Variants in RPIA observed in about 807,000 individuals in gnomAD.
RPIA encodes ribose-5-phosphate isomerase.
RPIA carries 29 observed loss-of-function variants against 37.8 expected under a neutral mutation model. That is an observed-to-expected ratio of 0.77 (90% CI 0.57 to 1.05). The LOEUF is 1.05. RPIA is among the 50% of genes least tolerant of loss of function. The pLI is 0.00. For missense variants in RPIA, 385 were observed against 413.6 expected (o/e 0.93, Z 0.60); for synonymous variants, 167 against 157.0 (o/e 1.06, Z -0.48).
intron 3 of RPIA, among the ~76,000 whole-genome samples, chr2:88,724,599 G>C (rs1673174825): frequency 6.6e-6 from 1 of 152,152 alleles, no homozygotes; most frequent in Admixed American, 6.5e-5. Flanking sequence ...GTGAACCACT[G>C]TGCCTGGCAG....
At position 88,698,998 on chromosome 2, in the gene RPIA, G is replaced by A. The variant is rs556967027; in HGVS notation, c.346+454G>A. ...GTGCTCATTTCACACTGATTAGGGT[G>A]TCTCTATGCTTAGGAAAGACTCAGG... On this transcript the variant is annotated intron_variant, in intron 2 of 8. Transcript: ENST00000283646. Among the ~76,000 whole-genome samples, 5 of 152,324 alleles carry A rather than the reference G, an allele frequency of 3.3e-5. No homozygotes were observed. The South Asian group carries it at 1.0e-3, about 32-fold the overall frequency.
chr2:88,693,868 G>A (rs1676978233), intron 1 of RPIA, among the ~76,000 whole-genome samples: 1 of 152,220 alleles, frequency 6.6e-6, no homozygotes, highest in African/African-American at 2.4e-5. Flanking sequence ...CTTGGGCCCA[G>A]CTCTGTCTGT....
intron 3 of RPIA, among the ~76,000 whole-genome samples, chr2:88,725,770 G>C (rs1360743725): frequency 6.6e-6 from 1 of 152,206 alleles, no homozygotes; most frequent in Non-Finnish European, 1.5e-5. Context: ...CATTCAGGAA[G>C]GATGAGGCTC....
rs1359038847 is a variant in RPIA, at chr2:88,691,776, C to A, written c.78C>A (p.Ala26=). 6.3e-7 allele frequency: 1 copy of A among 1,592,570 alleles called. No individual in the cohort carries two copies. The highest frequency in any genetic ancestry group is 8.5e-7 in the Non-Finnish European group (1 of 1,173,336). The change falls in exon 1 of 9, where the codon GCC becomes GCA. Residue 26 remains alanine (A), a synonymous_variant. Transcript: ENST00000283646. ...TGCCCGGGAGGGCCGGGGGCGCGGC[C>A]TCCGGCGGAGGAGGGAACAGCTGGG... ...APLPGRAGGA[A]SGGGGNSWDL... is the part of the protein sequence containing the mutation.
chr2:88,715,423 A>G (rs1031039810), intron 3 of RPIA, among the ~76,000 whole-genome samples: 6 of 152,226 alleles, frequency 3.9e-5, no homozygotes, highest in Non-Finnish European at 7.3e-5. Flanking sequence ...GATCCCATCT[A>G]TAAGAACAAT....
intron 3 of RPIA, among the ~76,000 whole-genome samples, chr2:88,718,531 G>GAA (rs1673064478): frequency 1.3e-5 from 2 of 152,218 alleles, no homozygotes; most frequent in South Asian, 4.2e-4. Flanking sequence ...AGGCCTGTCA[G>GAA]AAAGTGACAT....
intron 2 of RPIA, among the ~76,000 whole-genome samples, chr2:88,698,783 C>T (rs964636205): frequency 6.6e-6 from 1 of 152,198 alleles, no homozygotes; most frequent in Non-Finnish European, 1.5e-5. Flanking sequence ...CTCTGCTCAG[C>T]TGGAGGGGAG....
chr2:88,694,065 G>A (rs1326224178), intron 1 of RPIA, among the ~76,000 whole-genome samples: 1 of 152,234 alleles, frequency 6.6e-6, no homozygotes, highest in Non-Finnish European at 1.5e-5. Flanking sequence ...TACTCCATTC[G>A]ACAAGCTGAG....
intron 3 of RPIA, among the ~76,000 whole-genome samples, chr2:88,703,986 G>T (rs1264569964): frequency 6.6e-6 from 1 of 152,136 alleles, no homozygotes; most frequent in Non-Finnish European, 1.5e-5. Context: ...TGGGGCAGGG[G>T]CAAAATGCTG....
rs142937771 is a variant in RPIA at position 88,737,886 on chromosome 2, A to T, written c.739-91A>T. On this transcript the variant is annotated intron_variant, in intron 7 of 8. Coordinates refer to ENST00000283646, the MANE Select transcript of RPIA (RefSeq NM_144563.3). The stretch of plus-strand genomic sequence containing the variant: ...ATAAGGTGGGAGCAGGTTAAAATGC[A>T]TACTTGTCTTTGGTTATCCCCTCTA... 52 of 934,874 alleles carry T rather than the reference A, an allele frequency of 5.6e-5. No individual in the cohort carries two copies. The East Asian group carries it at 1.3e-3, about 23-fold the overall frequency. 57.9% of individuals were successfully genotyped at this position (934,874 alleles called of 1,614,324 possible). A position where few individuals can be genotyped will look rare whatever the true frequency, so the allele number is the denominator to read the frequency against.
chr2:88,713,942 A>T (rs1302716479), intron 3 of RPIA, among the ~76,000 whole-genome samples: 1 of 146,040 alleles, frequency 6.8e-6, no homozygotes, highest in African/African-American at 2.5e-5. Context: ...TTCACTGAGG[A>T]TGTTAATGAT....
At chr2:88,718,944 C>T (rs982022034) in intron 3 of RPIA, among the ~76,000 whole-genome samples, 4 of 152,116 alleles carry the variant, frequency 2.6e-5, no homozygotes, top group African/African-American at 4.8e-5. Flanking sequence ...TTAAGCAAAA[C>T]GTTAAAAAGA....
chr2:88,703,291 T>TGTGCAGG (rs1491496467), intron 3 of RPIA, among the ~76,000 whole-genome samples: 1 of 152,232 alleles, frequency 6.6e-6, no homozygotes, highest in Non-Finnish European at 1.5e-5. Flanking sequence ...GTAGAGACTC[T>TGTGCAGG]GTGCAGGGGC....
intron 3 of RPIA, among the ~76,000 whole-genome samples, chr2:88,724,471 T>C (rs1673173096): frequency 6.6e-6 from 1 of 152,032 alleles, no homozygotes; most frequent in African/African-American, 2.4e-5. Context: ...CACACCTGGC[T>C]AATTTTTTTG....
intron 1 of RPIA, among the ~76,000 whole-genome samples, chr2:88,696,419 C>T (rs1672746551): frequency 6.6e-6 from 1 of 151,802 alleles, no homozygotes; most frequent in Admixed American, 6.6e-5. Flanking sequence ...GTGGCATGTT[C>T]CCATAGTACT....
At chr2:88,720,061 T>C (rs1673100279) in intron 3 of RPIA, among the ~76,000 whole-genome samples, 1 of 152,212 alleles carries the variant, frequency 6.6e-6, no homozygotes, top group African/African-American at 2.4e-5. Flanking sequence ...CAGTTTATTT[T>C]GATTGGCATC....
At chr2:88,747,751 C>T (rs190085305) in intron 8 of RPIA, among the ~76,000 whole-genome samples, 75 of 152,266 alleles carry the variant, frequency 4.9e-4, no homozygotes, top group African/African-American at 1.6e-3. Flanking sequence ...TCAGGTTCCC[C>T]GGTGGGGATG....
intron 3 of RPIA, among the ~76,000 whole-genome samples, chr2:88,703,993 G>T (rs940157580): frequency 1.3e-5 from 2 of 152,170 alleles, no homozygotes; most frequent in African/African-American, 2.4e-5. Context: ...GGGGCAAAAT[G>T]CTGCCAGTCT....
At chr2:88,692,045 G>A in intron 1 of RPIA, 62 bp downstream of exon 1, 2 of 1,518,518 alleles carry the variant, frequency 1.3e-6, no homozygotes, top group East Asian at 4.9e-5. Flanking sequence ...CTACTGTTGC[G>A]CGTTGTGGGT....
Sources: gnomAD v4.1 joint callset for allele counts (sites outside exome capture counted in the v4.1 genomes callset) on GRCh38, gnomAD v4.1.1 for gene constraint, MANE v1.5 for transcripts, NCBI Gene and HGNC (gene_info 2026-07-23, HGNC 2026-07-21) for gene names.